The following PIEZO2 variants were observed in gnomAD, a reference collection of about 807,000 sequenced individuals.
PIEZO2 encodes piezo-type mechanosensitive ion channel component 2.
A neutral mutation model predicts 337.3 loss-of-function variants in PIEZO2; 172 were observed. The ratio of observed to expected loss-of-function variants is 0.51; its 90% CI spans 0.45 to 0.58. PIEZO2 has a LOEUF of 0.58. Among genes scored for constraint, PIEZO2 ranks in the 20% least tolerant of loss-of-function variants. The probability of loss-of-function intolerance (pLI) is 0.00; values close to 1 mark genes in which losing one functional copy is unlikely to be tolerated. For synonymous variants in PIEZO2, 1,251 were observed against 1,228.5 expected, an observed-to-expected ratio of 1.02 and a Z score of -0.38; for missense variants, 3,028 against 3,391.3, an observed-to-expected ratio of 0.89 and a Z score of 2.66.
At chr18:10,916,436 G>A (rs1190021450) in intron 3 of PIEZO2, among the ~76,000 whole-genome samples, 1 of 152,170 alleles carries the variant, frequency 6.6e-6, no homozygotes, top group Non-Finnish European at 1.5e-5. Context: ...CTCGAGGCGA[G>A]GAGGCAGAGG....
chr18:10,914,407 G>A (rs1161205997), intron 3 of PIEZO2, among the ~76,000 whole-genome samples: 2 of 151,978 alleles, frequency 1.3e-5, no homozygotes, highest in Admixed American at 6.6e-5. Flanking sequence ...AAAATCTGCA[G>A]GTGTTCATGT....
At chr18:10,955,001 AAGG>A (rs1420729226) in intron 3 of PIEZO2, among the ~76,000 whole-genome samples, 1 of 152,202 alleles carries the variant, frequency 6.6e-6, no homozygotes, top group Non-Finnish European at 1.5e-5. Flanking sequence ...GAATAGGGAA[AAGG>A]AGGAGGAAGT....
rs199985733 is a variant in PIEZO2, at chr18:10,720,222, A to ATGTGTGTG, written c.5030-1971_5030-1964dup. ...GATATATATATGTATATATGAATATATGTGTGTGTGTGTATATATATATAT... is the reference window on the plus strand; with the variant it reads ...GATATATATATGTATATATGAATATATGTGTGTGTGTGTGTGTGTGTATATATATATAT... On this transcript the variant is annotated intron_variant, in intron 36 of 55. Transcript: ENST00000674853. 2.3e-3 allele frequency among the ~76,000 whole-genome samples: 323 copies of ATGTGTGTG among 139,472 alleles called. 3 individuals are homozygous for ATGTGTGTG. The highest frequency in any genetic ancestry group is 8.3e-3 in the East Asian group (36 of 4,344). The allele number at this position is 139,472 out of a possible 152,430, so 91.5% of individuals were successfully genotyped here.
rs1246359781 is a variant in PIEZO2, at chr18:11,143,209, A to G, written c.64+5316T>C. Reference sequence around the variant, plus strand: ...TTAAATCAAAAATCTTATAAGCTGTAATGTTGTAGATTATACACATGGTAT... The same window carrying G: ...TTAAATCAAAAATCTTATAAGCTGTGATGTTGTAGATTATACACATGGTAT... On this transcript the variant is annotated intron_variant, in intron 1 of 55. Coordinates refer to ENST00000674853, the MANE Select transcript of PIEZO2 (RefSeq NM_001378183.1). The surrounding 1 kb of genome is among the most constrained non-coding windows in gnomAD (Gnocchi z 4.9). 6.6e-6 allele frequency among the ~76,000 whole-genome samples: 1 copy of G among 152,240 alleles called. No homozygotes were observed. The highest frequency in any genetic ancestry group is 1.5e-5 in the Non-Finnish European group (1 of 68,048).
rs2036571187 is a variant in PIEZO2 at position 10,726,999 on chromosome 18, C to T, written c.5029+4408G>A. 1 of 1,006,608 alleles carries T rather than the reference C, an allele frequency of 9.9e-7. No individual in the cohort carries two copies. 62.4% of individuals were successfully genotyped at this position (1,006,608 alleles called of 1,614,324 possible). A position where few individuals can be genotyped will look rare whatever the true frequency, so the allele number is the denominator to read the frequency against. On this transcript the variant is annotated intron_variant, in intron 36 of 55. Transcript: ENST00000674853. The surrounding 1 kb of genome is among the most constrained non-coding windows in gnomAD (Gnocchi z 5.9). ...AGAAGCTCCAGATAGGCCCCCAGAA[C>T]ATGAAGCTGTTTGCTCTGTGCTTCC... is the stretch of plus-strand genomic sequence containing the variant.
At chr18:10,740,795 T>C in intron 33 of PIEZO2, 5 of 658,406 alleles carry the variant, frequency 7.6e-6, no homozygotes, top group Non-Finnish European at 1.1e-5. Context: ...AGCCACGTGT[T>C]TGGCTTTCTA....
chr18:11,000,147 A>G (rs1392643274), intron 2 of PIEZO2, among the ~76,000 whole-genome samples: 1 of 152,212 alleles, frequency 6.6e-6, no homozygotes, highest in African/African-American at 2.4e-5. Context: ...AGCAAATGGA[A>G]GAATGAATGA....
At chr18:10,842,696 G>T (rs1431210975) in intron 7 of PIEZO2, among the ~76,000 whole-genome samples, 1 of 152,182 alleles carries the variant, frequency 6.6e-6, no homozygotes, top group African/African-American at 2.4e-5. Context: ...TTCCTTCATG[G>T]CAACATTAAA....
In PIEZO2 at chr18:10,855,518, A is replaced by C. The variant is rs2041680217; in HGVS notation, c.752T>G (p.Leu251Trp). The C allele has an allele frequency of 6.5e-7, 1 of 1,537,022 alleles. No individual in the cohort carries two copies. The highest frequency in any genetic ancestry group is 8.7e-7 in the Non-Finnish European group (1 of 1,146,890). Reference protein sequence around the residue: ...LTSSVYFFVFLGLCTWWSWCR... With the variant: ...LTSSVYFFVFWGLCTWWSWCR... ...CCAGGACCACCAGGTGCACAGACCC[A>C]AAAATACAAAAAAATACACAGATGA... The change falls in exon 7 of 56, where the codon TTG becomes TGG. Residue 251 changes from leucine (L) to tryptophan (W), a missense_variant. This residue lies in a region of PIEZO2 where 542 missense variants were observed against 605.6 expected (regional missense o/e 0.89). Coordinates refer to ENST00000674853, the MANE Select transcript of PIEZO2 (RefSeq NM_001378183.1). This position sits in a 1 kb window ranked among gnomAD's most constrained non-coding sequence, Gnocchi z 4.9.
intron 5 of PIEZO2, among the ~76,000 whole-genome samples, chr18:10,868,819 A>T (rs2042069110): frequency 6.6e-6 from 1 of 152,174 alleles, no homozygotes; most frequent in Admixed American, 6.5e-5. Flanking sequence ...CCTCATCATG[A>T]CCTCACAGCC....
intron 1 of PIEZO2, among the ~76,000 whole-genome samples, chr18:11,103,800 TGTGTGTGTGC>T (rs1197846014): frequency 6.6e-5 from 10 of 151,506 alleles, no homozygotes; most frequent in African/African-American, 1.9e-4. Flanking sequence ...TGTGTGTGTG[TGTGTGTGTGC>T]GTGTGTGCGT....
intron 4 of PIEZO2, among the ~76,000 whole-genome samples, chr18:10,907,329 G>C (rs1241557789): frequency 6.6e-6 from 1 of 151,948 alleles, no homozygotes; most frequent in Admixed American, 6.6e-5. Flanking sequence ...TGTAATCTCA[G>C]CTACTTGATA....
intron 7 of PIEZO2, among the ~76,000 whole-genome samples, chr18:10,814,474 A>G (rs1247670490): frequency 6.6e-6 from 1 of 152,192 alleles, no homozygotes; most frequent in Non-Finnish European, 1.5e-5. Context: ...AAATGAATGG[A>G]GGAAGAAATG....
At chr18:10,947,452 T>C (rs2033083782) in intron 3 of PIEZO2, among the ~76,000 whole-genome samples, 1 of 152,112 alleles carries the variant, frequency 6.6e-6, no homozygotes, top group Admixed American at 6.5e-5. Flanking sequence ...ATAAAGAGAT[T>C]GCAAGTAAAA....
intron 3 of PIEZO2, among the ~76,000 whole-genome samples, chr18:10,941,780 T>C (rs973049435): frequency 6.6e-6 from 1 of 152,064 alleles, no homozygotes; most frequent in Non-Finnish European, 1.5e-5. Context: ...AAAATGAAGG[T>C]TGAAATGTAA....
intron 3 of PIEZO2, among the ~76,000 whole-genome samples, chr18:10,914,894 G>A (rs1161939446): frequency 1.3e-5 from 2 of 152,070 alleles, no homozygotes; most frequent in African/African-American, 4.8e-5. Flanking sequence ...CGTGTGTCCA[G>A]GGTGACAAAC....
At chr18:10,765,486 T>A (rs919163523) in intron 21 of PIEZO2, among the ~76,000 whole-genome samples, 5 of 152,162 alleles carry the variant, frequency 3.3e-5, no homozygotes, top group Admixed American at 1.3e-4. Flanking sequence ...CATGATCATA[T>A]CTGCCCTGTG....
chr18:10,987,603 A>T (rs555058486), intron 2 of PIEZO2, among the ~76,000 whole-genome samples: 2 of 152,252 alleles, frequency 1.3e-5, no homozygotes, highest in Admixed American at 6.5e-5. Flanking sequence ...CCCAGGAGAA[A>T]ACATAGGGAA....
intron 3 of PIEZO2, among the ~76,000 whole-genome samples, chr18:10,936,929 T>C (rs998106418): frequency 1.3e-5 from 2 of 152,120 alleles, no homozygotes; most frequent in African/African-American, 4.8e-5. Flanking sequence ...GACTCCCTCC[T>C]TGTGAATCCC....
Sources: allele counts gnomAD v4.1 joint callset (sites outside exome capture counted in the v4.1 genomes callset), GRCh38; gene constraint gnomAD v4.1.1; regional missense constraint gnomAD v4.1.1; non-coding constraint Gnocchi (gnomAD v3.1); transcripts MANE v1.5; gene names NCBI Gene and HGNC (gene_info 2026-07-23, HGNC 2026-07-21).